SORCS2: variants seen among roughly 807,000 people sequenced by gnomAD.
SORCS2 encodes the protein sortilin related VPS10 domain containing receptor 2.
SORCS2 carries 100 observed loss-of-function variants against 141.6 expected under a neutral mutation model. The observed-to-expected ratio is 0.71, with a 90% CI of 0.60 to 0.83. The LOEUF (loss-of-function observed/expected upper bound fraction) is 0.83. Among genes scored for constraint, SORCS2 ranks in the 40% least tolerant of loss-of-function variants. SORCS2 has a pLI of 0.00. For synonymous variants in SORCS2, 789 were observed against 676.9 expected, an observed-to-expected ratio of 1.17 and a Z score of -2.57; for missense variants, 1,646 against 1,560.2, an observed-to-expected ratio of 1.05 and a Z score of -0.93.
intron 1 of SORCS2, among the ~76,000 whole-genome samples, chr4:7,265,352 A>G (rs1714654847): frequency 2.0e-5 from 3 of 152,170 alleles, no homozygotes; most frequent in Admixed American, 1.3e-4. Context: ...TTAGCTGGGC[A>G]TGCTGGTGTG....
chr4:7,546,571 G>A (rs1235653250), intron 3 of SORCS2, among the ~76,000 whole-genome samples: 2 of 151,956 alleles, frequency 1.3e-5, no homozygotes, highest in Non-Finnish European at 2.9e-5. Flanking sequence ...GTTCCTGAGA[G>A]CAGCTGAGGG....
intron 1 of SORCS2, among the ~76,000 whole-genome samples, chr4:7,218,284 A>G (rs1728494939): frequency 6.6e-6 from 1 of 152,176 alleles, no homozygotes; most frequent in African/African-American, 2.4e-5. Context: ...GTGCTGCGTA[A>G]ATGGATTCTA....
chr4:7,505,352 C>T (rs907703392), intron 2 of SORCS2, among the ~76,000 whole-genome samples: 1 of 152,130 alleles, frequency 6.6e-6, no homozygotes, highest in Non-Finnish European at 1.5e-5. Flanking sequence ...CAGAAGGTCT[C>T]ACTGAATTGT....
intron 2 of SORCS2, among the ~76,000 whole-genome samples, chr4:7,470,283 G>T (rs550354145): frequency 2.7e-5 from 4 of 147,300 alleles, no homozygotes; most frequent in Non-Finnish European, 4.5e-5. Flanking sequence ...CCATCCTCCC[G>T]TCCTCCCTTC....
At chr4:7,726,655 G>A (rs1727238447) in intron 20 of SORCS2, 125 bp from the exon 21 acceptor site, 1 of 1,268,574 alleles carries the variant, frequency 7.9e-7, no homozygotes, top group African/African-American at 1.5e-5. Context: ...GTCCATAATG[G>A]GCCCATTTGC....
intron 1 of SORCS2, among the ~76,000 whole-genome samples, chr4:7,319,241 T>C (rs917638209): frequency 1.3e-5 from 2 of 152,176 alleles, no homozygotes; most frequent in Non-Finnish European, 2.9e-5. Flanking sequence ...AGAAGAGCTA[T>C]AAATAATATT....
At chr4:7,433,211 C>G (rs1206435213) in intron 2 of SORCS2, 5 of 1,218,458 alleles carry the variant, frequency 4.1e-6, no homozygotes, top group Non-Finnish European at 5.3e-6. Context: ...TCCTTCCCAG[C>G]CTCCCTCCTC....
intron 1 of SORCS2, among the ~76,000 whole-genome samples, chr4:7,316,307 A>G (rs772996168): frequency 7.9e-5 from 12 of 152,130 alleles, no homozygotes; most frequent in African/African-American, 2.9e-4. Context: ...AACAAACAAA[A>G]AAAATTTTTT....
intron 4 of SORCS2, among the ~76,000 whole-genome samples, chr4:7,652,457 C>T (rs1175974590): frequency 6.6e-6 from 1 of 152,136 alleles, no homozygotes; most frequent in Non-Finnish European, 1.5e-5. Flanking sequence ...GAGCCCCTGG[C>T]TCCATTCATT....
chr4:7,523,472 C>T (rs1210443077), intron 2 of SORCS2, among the ~76,000 whole-genome samples: 1 of 152,118 alleles, frequency 6.6e-6, no homozygotes, highest in Admixed American at 6.5e-5. Flanking sequence ...CCACTCTGGC[C>T]GGGAGATCTG....
At position 7,640,065 on chromosome 4, in the gene SORCS2, TTA is replaced by T. The variant is rs199687226; in HGVS notation, c.813+1575_813+1576del. ...TGTGTGAGAGTGTGAGTGTGTGTGT[TTA>T]TGAGTGTGAAACAGCATGTCAGTGT... On this transcript the variant is annotated intron_variant, in intron 4 of 26. Transcript: ENST00000507866. Among the ~76,000 whole-genome samples, 496 of 146,926 alleles carry T rather than the reference TTA, an allele frequency of 3.4e-3. 3 individuals carry two copies. Among genetic ancestry groups the T allele is most frequent in the African/African-American group, 0.012 (469 of 39,432 alleles).
intron 1 of SORCS2, among the ~76,000 whole-genome samples, chr4:7,356,893 C>G (rs1043419654): frequency 6.6e-6 from 1 of 152,220 alleles, no homozygotes; most frequent in Non-Finnish European, 1.5e-5. Flanking sequence ...CCAGGCTTGT[C>G]CTGGGGCGAC....
chr4:7,541,980 AC>A, intron 3 of SORCS2, among the ~76,000 whole-genome samples: 1 of 152,066 alleles, frequency 6.6e-6, no homozygotes, highest in East Asian at 1.9e-4. Flanking sequence ...CATGTGCAGG[AC>A]CCCCTGCCAG....
intron 18 of SORCS2, among the ~76,000 whole-genome samples, chr4:7,719,198 C>G (rs1375380795): frequency 6.6e-6 from 1 of 152,184 alleles, no homozygotes; most frequent in African/African-American, 2.4e-5. Context: ...AATACGGTGC[C>G]AAGGTGGGGT....
At chr4:7,640,601 CAGAT>C (rs905716068) in intron 4 of SORCS2, among the ~76,000 whole-genome samples, 17 of 152,000 alleles carry the variant, frequency 1.1e-4, no homozygotes, top group African/African-American at 3.9e-4. Context: ...AGGGCCCACA[CAGAT>C]AGCCTGGGGT....
chr4:7,464,464 C>T (rs1729491986), intron 2 of SORCS2, among the ~76,000 whole-genome samples: 1 of 152,062 alleles, frequency 6.6e-6, no homozygotes, highest in South Asian at 2.1e-4. Context: ...CGGTGGTTGG[C>T]AGATGCAGGG....
intron 4 of SORCS2, among the ~76,000 whole-genome samples, chr4:7,644,278 G>A (rs570835489): frequency 6.6e-6 from 1 of 152,168 alleles, no homozygotes; most frequent in East Asian, 1.9e-4. Context: ...TGCCATTGCT[G>A]CAGCCTGCAC....
intron 2 of SORCS2, among the ~76,000 whole-genome samples, chr4:7,484,237 A>G (rs1730837633): frequency 1.3e-5 from 2 of 152,048 alleles, no homozygotes; most frequent in African/African-American, 4.8e-5. Flanking sequence ...GTCTGAACGT[A>G]TTTTCCGAGG....
Position 7,491,931 on chromosome 4 carries a change from TG to T in SORCS2, c.549-39598del, listed in dbSNP as rs770382971. Among the ~76,000 whole-genome samples the T allele has an allele frequency of 2.3e-4, 35 of 152,172 alleles. 1 individual carries two copies. Among genetic ancestry groups the T allele is most frequent in the Non-Finnish European group, 4.4e-5 (3 of 68,036 alleles). On this transcript the variant is annotated intron_variant, in intron 2 of 26. Transcript: ENST00000507866. Reference sequence around the variant, plus strand: ...GCTGCCTGGAGCAAGCCCAGTGCAGTGCCTGAGCACCATGAATGTTGGCCAC... The same window carrying T: ...GCTGCCTGGAGCAAGCCCAGTGCAGTCCTGAGCACCATGAATGTTGGCCAC...
Sources: gnomAD v4.1 joint callset for allele counts (sites outside exome capture counted in the v4.1 genomes callset) on GRCh38, gnomAD v4.1.1 for gene constraint, MANE v1.5 for transcripts, NCBI Gene and HGNC (gene_info 2026-07-23, HGNC 2026-07-21) for gene names.